Variants in AP2A2 observed in about 807,000 individuals in gnomAD.
The protein encoded by AP2A2 is AP-2 complex subunit alpha-2.
In AP2A2, 32 loss-of-function variants were observed where a neutral mutation model predicts 104.2. The observed-to-expected ratio is 0.31, with a 90% CI of 0.23 to 0.41. AP2A2 has a LOEUF of 0.41. AP2A2 is among the 10% of genes least tolerant of loss of function. The pLI is 1.00. For synonymous variants in AP2A2, 539 were observed against 533.3 expected, an observed-to-expected ratio of 1.01 and a Z score of -0.15; for missense variants, 912 against 1,261.0, an observed-to-expected ratio of 0.72 and a Z score of 4.19.
intron 1 of AP2A2, among the ~76,000 whole-genome samples, chr11:931,989 CAG>C (rs1293776961): frequency 6.6e-6 from 1 of 151,418 alleles, no homozygotes; most frequent in Non-Finnish European, 1.5e-5. Context: ...TTAGTAGAGA[CAG>C]GGTTTCACTG....
At chr11:952,242 G>A (rs894864024) in intron 1 of AP2A2, among the ~76,000 whole-genome samples, 2 of 152,150 alleles carry the variant, frequency 1.3e-5, no homozygotes, top group Non-Finnish European at 2.9e-5. Flanking sequence ...GAAGATTTTG[G>A]TACTTTGGTA....
At chr11:977,009 T>C in intron 4 of AP2A2, 86 bp from the exon 5 acceptor site, 1 of 1,569,906 alleles carries the variant, frequency 6.4e-7, no homozygotes, top group Non-Finnish European at 8.6e-7. Flanking sequence ...CACCCCCGCG[T>C]CTCCTGCTGG....
intron 2 of AP2A2, among the ~76,000 whole-genome samples, chr11:969,724 A>G (rs548948982): frequency 2.0e-5 from 3 of 152,302 alleles, no homozygotes; most frequent in African/African-American, 7.2e-5. Context: ...TAGAATGGCT[A>G]TGAAGTGGCA....
In AP2A2 at chr11:1,008,051, AG is replaced by A. The variant is rs1424048213; in HGVS notation, c.2342del (p.Gly781AlafsTer10). ...ACCAAGCCCGTGGACCCGACCGTGGAGGGGGGCGCGCAGGTGCAGCAGGTGG... is the reference window on the plus strand; with the variant it reads ...ACCAAGCCCGTGGACCCGACCGTGGAGGGGGCGCGCAGGTGCAGCAGGTGG... ...LQTKPVDPTV[E>X]GGAQVQQVVN... On this transcript the variant is annotated frameshift_variant, in exon 18 of 22. Coordinates refer to ENST00000448903, the MANE Select transcript of AP2A2 (RefSeq NM_012305.4). LOFTEE classifies it high-confidence loss of function. 3 of 1,577,808 alleles carry A rather than the reference AG, an allele frequency of 1.9e-6. No homozygotes were observed. The highest frequency in any genetic ancestry group is 2.6e-6 in the Non-Finnish European group (3 of 1,162,642).
intron 15 of AP2A2, among the ~76,000 whole-genome samples, chr11:1,002,310 C>A (rs563111580): frequency 6.6e-6 from 1 of 152,246 alleles, no homozygotes; most frequent in Non-Finnish European, 1.5e-5. Flanking sequence ...ACCTCCGCCT[C>A]GGCCGGCTCC....
At chr11:937,936 C>T (rs527291950) in intron 1 of AP2A2, among the ~76,000 whole-genome samples, 5 of 152,308 alleles carry the variant, frequency 3.3e-5, no homozygotes, top group East Asian at 3.9e-4. Flanking sequence ...TGAACTGTGT[C>T]GGTTTGCCCC....
chr11:947,234 C>T (rs1454066195), intron 1 of AP2A2, among the ~76,000 whole-genome samples: 1 of 152,106 alleles, frequency 6.6e-6, no homozygotes, highest in East Asian at 1.9e-4. Context: ...TGGTCTCGAA[C>T]TCCTGACCTC....
chr11:960,482 C>T (rs924976420), intron 2 of AP2A2, among the ~76,000 whole-genome samples: 3 of 152,182 alleles, frequency 2.0e-5, no homozygotes, highest in Admixed American at 6.5e-5. Flanking sequence ...AAGTGATCTG[C>T]CCGCCTCGGC....
chr11:982,182 C>G (rs1323902214), intron 6 of AP2A2, among the ~76,000 whole-genome samples: 2 of 152,214 alleles, frequency 1.3e-5, no homozygotes, highest in Non-Finnish European at 2.9e-5. Flanking sequence ...TCCAGAGTAG[C>G]TGGGATTACA....
At chr11:958,950 C>T (rs1303273005) in intron 1 of AP2A2, among the ~76,000 whole-genome samples, 18 of 152,052 alleles carry the variant, frequency 1.2e-4, no homozygotes, top group East Asian at 1.9e-4. Context: ...TGCAGTTGAT[C>T]GAGGAAGAAA....
intron 14 of AP2A2, 39 bp downstream of exon 14, chr11:994,284 G>T: frequency 3.1e-6 from 5 of 1,605,128 alleles, no homozygotes; most frequent in Non-Finnish European, 4.3e-6. Flanking sequence ...ACCTGTCAGG[G>T]CCTCACCCCC....
Position 949,591 on chromosome 11 carries a change from A to G in AP2A2, c.68-9846A>G, listed in dbSNP as rs190961316. 6.6e-5 allele frequency among the ~76,000 whole-genome samples: 10 copies of G among 152,218 alleles called. No individual in the cohort carries two copies. In the South Asian group the frequency reaches 1.0e-3, roughly 16 times the overall value. On this transcript the variant is annotated intron_variant, in intron 1 of 21. Coordinates refer to ENST00000448903, the MANE Select transcript of AP2A2 (RefSeq NM_012305.4). ...GGAGATGGAGACCAGCCTGGCCAAC[A>G]TGGTGAAACCCCATCTCTACTAAAA...
chr11:990,971 G>T (rs1182594202), intron 10 of AP2A2, among the ~76,000 whole-genome samples: 1 of 139,684 alleles, frequency 7.2e-6, no homozygotes, highest in Non-Finnish European at 1.5e-5. Context: ...CCTTTCAGTC[G>T]GGTATGGTGC....
chr11:999,999 G>T (rs575484713), intron 14 of AP2A2, among the ~76,000 whole-genome samples: 1 of 151,534 alleles, frequency 6.6e-6, no homozygotes, highest in East Asian at 2.0e-4. Flanking sequence ...GTAGAGATGG[G>T]GTTTCACCGT....
At chr11:952,831 A>G (rs1260719522) in intron 1 of AP2A2, among the ~76,000 whole-genome samples, 1 of 152,178 alleles carries the variant, frequency 6.6e-6, no homozygotes, top group Non-Finnish European at 1.5e-5. Context: ...TAAAAAGATA[A>G]GATTTTTTTG....
intron 8 of AP2A2, among the ~76,000 whole-genome samples, chr11:986,053 C>T (rs933478745): frequency 1.3e-5 from 2 of 152,270 alleles, no homozygotes; most frequent in African/African-American, 4.8e-5. Flanking sequence ...GCCTCCTCTG[C>T]TCCCACGCCT....
intron 2 of AP2A2, among the ~76,000 whole-genome samples, chr11:960,653 C>T (rs1196287371): frequency 1.3e-5 from 2 of 152,320 alleles, no homozygotes; most frequent in Admixed American, 6.5e-5. Flanking sequence ...GCTGGGATTA[C>T]AGGCGTGAGC....
chr11:986,492 G>A (rs906168394), intron 8 of AP2A2, among the ~76,000 whole-genome samples: 2 of 152,176 alleles, frequency 1.3e-5, no homozygotes, highest in Non-Finnish European at 2.9e-5. Flanking sequence ...GGCCTCCCGC[G>A]GGCCTGATGC....
At chr11:1,001,757 C>T (rs548655897) in intron 15 of AP2A2, among the ~76,000 whole-genome samples, 48 of 152,276 alleles carry the variant, frequency 3.2e-4, no homozygotes, top group Admixed American at 2.5e-3. Context: ...CCGTGGCAGC[C>T]GTGGCCCTTC....
Sources: allele counts gnomAD v4.1 joint callset (sites outside exome capture counted in the v4.1 genomes callset), GRCh38; gene constraint gnomAD v4.1.1; transcripts MANE v1.5; gene names NCBI Gene and HGNC (gene_info 2026-07-23, HGNC 2026-07-21).